The following LRP1B variants were observed in gnomAD, a reference collection of about 807,000 sequenced individuals.
LRP1B encodes the protein LDL receptor related protein 1B, also known as low-density lipoprotein receptor-related protein 1B.
LRP1B carries 217 observed loss-of-function variants against 556.6 expected under a neutral mutation model. The ratio of observed to expected loss-of-function variants is 0.39; its 90% CI spans 0.35 to 0.44. LRP1B has a LOEUF of 0.44. Ranked by LOEUF, LRP1B falls within the 20% of genes least tolerant of loss-of-function variation. The probability of loss-of-function intolerance (pLI) is 1.00; values close to 1 mark genes in which losing one functional copy is unlikely to be tolerated. For synonymous variants in LRP1B, 2,047 were observed against 1,865.8 expected (o/e 1.10, Z -2.50); for missense variants, 5,053 against 5,620.8 (o/e 0.90, Z 3.23).
At chr2:141,377,684 G>A (rs1157725389) in intron 3 of LRP1B, among the ~76,000 whole-genome samples, 1 of 151,830 alleles carries the variant, frequency 6.6e-6, no homozygotes, top group Non-Finnish European at 1.5e-5. Context: ...AATATTTTAT[G>A]TGAGGCCTAA....
chr2:141,496,200 G>A (rs1683502057), intron 2 of LRP1B, among the ~76,000 whole-genome samples: 3 of 151,736 alleles, frequency 2.0e-5, no homozygotes, highest in Admixed American at 2.0e-4. Context: ...CATGGATTAT[G>A]TCTCTCCTGA....
chr2:141,729,254 CAGACACAGTGAT>C (rs1462239173), intron 2 of LRP1B, among the ~76,000 whole-genome samples: 1 of 152,136 alleles, frequency 6.6e-6, no homozygotes, highest in Non-Finnish European at 1.5e-5. Context: ...GGGCATCAGC[CAGACACAGTGAT>C]ACTTGAAACT....
chr2:141,830,502 TATAGAA>T (rs1457714109), intron 1 of LRP1B, among the ~76,000 whole-genome samples: 4 of 151,882 alleles, frequency 2.6e-5, no homozygotes, highest in Admixed American at 2.0e-4. Flanking sequence ...TATAAATACA[TATAGAA>T]ATAAAGTATT....
chr2:142,047,404 G>GA (rs1234865463), intron 1 of LRP1B, among the ~76,000 whole-genome samples: 1 of 151,950 alleles, frequency 6.6e-6, no homozygotes, highest in Non-Finnish European at 1.5e-5. Context: ...TTTTTCAACA[G>GA]AAAAAAAGCT....
intron 29 of LRP1B, among the ~76,000 whole-genome samples, chr2:140,842,921 T>C (rs1303893171): frequency 6.6e-6 from 1 of 152,152 alleles, no homozygotes; most frequent in Admixed American, 6.6e-5. Context: ...TGTGTATTTA[T>C]GCAGCCTGAT....
intron 6 of LRP1B, among the ~76,000 whole-genome samples, chr2:141,202,974 C>G (rs149231898): frequency 1.3e-5 from 2 of 151,874 alleles, no homozygotes; most frequent in Admixed American, 6.6e-5. Context: ...TGAGAACATG[C>G]GATACTTGGT....
At chr2:141,195,095 A>T (rs1681696747) in intron 6 of LRP1B, among the ~76,000 whole-genome samples, 1 of 152,134 alleles carries the variant, frequency 6.6e-6, no homozygotes. Flanking sequence ...TCTACTGAAC[A>T]GAATGTGGAA....
chr2:140,480,353 G>A (rs1037608501), intron 59 of LRP1B, among the ~76,000 whole-genome samples: 2 of 152,036 alleles, frequency 1.3e-5, no homozygotes, highest in Non-Finnish European at 2.9e-5. Context: ...ATCCATATTG[G>A]CAATAATGGA....
chr2:141,151,778 A>C (rs2105084897), intron 7 of LRP1B, among the ~76,000 whole-genome samples: 1 of 152,202 alleles, frequency 6.6e-6, no homozygotes, highest in Non-Finnish European at 1.5e-5. Context: ...TCTGTAGACA[A>C]CTAAGTTGTT....
chr2:142,015,343 C>T (rs1270563048), intron 1 of LRP1B, among the ~76,000 whole-genome samples: 1 of 152,118 alleles, frequency 6.6e-6, no homozygotes, highest in Non-Finnish European at 1.5e-5. Flanking sequence ...AACTGGACCC[C>T]TTTCTTACAT....
chr2:140,491,863 A>T (rs1246308946), intron 57 of LRP1B, among the ~76,000 whole-genome samples: 1 of 152,162 alleles, frequency 6.6e-6, no homozygotes, highest in African/African-American at 2.4e-5. Flanking sequence ...CTCCATACTC[A>T]GAACAAGGGT....
rs1056566510 is a variant in LRP1B, at chr2:141,909,543, T to A, written c.83-99142A>T. Among the ~76,000 whole-genome samples, 8 of 114,286 alleles carry A rather than the reference T, an allele frequency of 7.0e-5. No homozygotes were observed. In the Middle Eastern group the frequency reaches 0.012, roughly 176 times the overall value. The allele number at this position is 114,286 out of a possible 152,430, so 75.0% of individuals were successfully genotyped here. On this transcript the variant is annotated intron_variant, in intron 1 of 90. Transcript: ENST00000389484. ...TCTCAGACATTTTTTTTTTTTTTTTTTTTTTTTTTTTTTTTTTACCTCTGG... is the reference window on the plus strand; with the variant it reads ...TCTCAGACATTTTTTTTTTTTTTTTATTTTTTTTTTTTTTTTTACCTCTGG...
chr2:142,006,156 A>T (rs570655376), intron 1 of LRP1B, among the ~76,000 whole-genome samples: 1 of 152,280 alleles, frequency 6.6e-6, no homozygotes, highest in East Asian at 1.9e-4. Flanking sequence ...TGCTAGAAAA[A>T]CGAATCAACC....
chr2:140,930,190 T>C (rs1274922818), intron 20 of LRP1B, among the ~76,000 whole-genome samples: 1 of 152,104 alleles, frequency 6.6e-6, no homozygotes, highest in Non-Finnish European at 1.5e-5. Flanking sequence ...TGACAATTTA[T>C]ATGTATATGT....
chr2:142,125,523 T>C (rs1707608925), intron 1 of LRP1B, among the ~76,000 whole-genome samples: 1 of 151,404 alleles, frequency 6.6e-6, no homozygotes, highest in Non-Finnish European at 1.5e-5. Flanking sequence ...ACTCAAATTA[T>C]TTTTAGAGAT....
chr2:140,995,480 A>G (rs1697218084), intron 15 of LRP1B, among the ~76,000 whole-genome samples: 1 of 152,020 alleles, frequency 6.6e-6, no homozygotes, highest in Admixed American at 6.6e-5. Flanking sequence ...CAACAATAAC[A>G]CAATACCACT....
chr2:141,810,117 G>GAA (rs1329848651), intron 2 of LRP1B, among the ~76,000 whole-genome samples, 162 bp downstream of exon 2: 2 of 56,740 alleles, frequency 3.5e-5, no homozygotes, highest in Non-Finnish European at 7.2e-5. Context: ...GAAAGAAAAA[G>GAA]AAAGAAAGAA....
At chr2:140,524,046 G>C (rs1690312019) in intron 49 of LRP1B, among the ~76,000 whole-genome samples, 1 of 151,416 alleles carries the variant, frequency 6.6e-6, no homozygotes, top group African/African-American at 2.4e-5. Context: ...AGGTACCCTG[G>C]GAGAAAATAT....
chr2:140,586,255 C>A (rs1192165693), intron 43 of LRP1B, among the ~76,000 whole-genome samples: 1 of 152,126 alleles, frequency 6.6e-6, no homozygotes, highest in African/African-American at 2.4e-5. Flanking sequence ...AAGTGTGTTT[C>A]CTAAGTGTCA....
Sources: allele counts gnomAD v4.1 joint callset (sites outside exome capture counted in the v4.1 genomes callset), GRCh38; gene constraint gnomAD v4.1.1; transcripts MANE v1.5; gene names NCBI Gene and HGNC (gene_info 2026-07-23, HGNC 2026-07-21).